CELA3A: variants seen among roughly 807,000 people sequenced by gnomAD.
The protein encoded by CELA3A is chymotrypsin like elastase 3A, also known as chymotrypsin-like elastase family member 3A.
In CELA3A, 35 loss-of-function variants were observed where a neutral mutation model predicts 38.6. The observed-to-expected ratio is 0.91, with a 90% CI of 0.69 to 1.20. The LOEUF is 1.20. Ranked by LOEUF, CELA3A falls within the 50% of genes most tolerant of loss-of-function variation. The pLI is 0.00. For synonymous variants in CELA3A, 143 were observed against 136.7 expected (o/e 1.05, Z -0.32); for missense variants, 343 against 354.2 (o/e 0.97, Z 0.25).
chr1:22,011,909 C>A lies in CELA3A; in HGVS notation c.796-541C>A, dbSNP rs1467461654. On this transcript the variant is annotated intron_variant, in intron 7 of 7. Coordinates refer to ENST00000290122, the MANE Select transcript of CELA3A (RefSeq NM_005747.5). Reference sequence around the variant, plus strand: ...CTGTACTAAAAATACAAAAATTAGCCAGGCATGGTGGCGTACGCCTGTAGT... The same window carrying A: ...CTGTACTAAAAATACAAAAATTAGCAAGGCATGGTGGCGTACGCCTGTAGT... 1.6e-5 allele frequency among the ~76,000 whole-genome samples: 2 copies of A among 126,216 alleles called. 1 individual carries two copies. The highest frequency in any genetic ancestry group is 3.3e-5 in the Non-Finnish European group (2 of 61,526). The allele number at this position is 126,216 out of a possible 152,430, so 82.8% of individuals were successfully genotyped here. A position where few individuals can be genotyped will look rare whatever the true frequency, so the allele number is the denominator to read the frequency against.
intron 2 of CELA3A, among the ~76,000 whole-genome samples, chr1:22,004,446 A>G (rs1262027457): frequency 6.6e-6 from 1 of 150,658 alleles, no homozygotes; most frequent in Admixed American, 6.6e-5. Context: ...AAGATATAGA[A>G]CATTCCCATG....
At chr1:22,006,202 G>T in intron 4 of CELA3A, 1 of 217,616 alleles carries the variant, frequency 4.6e-6, no homozygotes, top group Non-Finnish European at 9.2e-6. Context: ...GCACTGGGCT[G>T]AGAGTCAGGC....
At chr1:22,005,944 C>G in intron 4 of CELA3A, 148 bp downstream of exon 4, 1 of 1,466,386 alleles carries the variant, frequency 6.8e-7, no homozygotes, top group African/African-American at 1.4e-5. Context: ...GCAGCCTGTG[C>G]CCAGGTCCCA....
chr1:22,003,634 T>C (rs2152819188), intron 2 of CELA3A, among the ~76,000 whole-genome samples: 1 of 150,536 alleles, frequency 6.6e-6, no homozygotes, highest in Non-Finnish European at 1.5e-5. Flanking sequence ...TGAGACAAGA[T>C]TGCACCACTG....
Position 22,009,773 on chromosome 1 carries a change from C to T in CELA3A, c.711C>T (p.Ser237=), listed in dbSNP as rs1382217761. 6.2e-7 allele frequency: 1 copy of T among 1,612,006 alleles called. No individual in the cohort carries two copies. Among genetic ancestry groups the T allele is most frequent in the African/African-American group, 1.3e-5 (1 of 74,134 alleles). Residue 237 remains serine, a synonymous_variant, in exon 7 of 8, where the codon AGC becomes AGT. Transcript: ENST00000290122. ...DGGWQVHGVT[S]FVSAFGCNFI... is the part of the protein sequence containing the mutation. ...GCTGGCAGGTCCACGGTGTGACCAG[C>T]TTTGTTTCTGCCTTTGGCTGCAACT...
In CELA3A at chr1:22,003,418, T is replaced by A. The variant is rs1052620086; in HGVS notation, c.129+330T>A. Among the ~76,000 whole-genome samples, 9 of 151,146 alleles carry A rather than the reference T, an allele frequency of 6.0e-5. 1 individual carries two copies. Among genetic ancestry groups the A allele is most frequent in the East Asian group, 2.0e-4 (1 of 5,106 alleles). ...CATTTCTAGATTCCTAGGATGATAC[T>A]ACAGGGCTTTGAGGTCTGAAAGCAA... On this transcript the variant is annotated intron_variant, in intron 2 of 7. Coordinates refer to ENST00000290122, the MANE Select transcript of CELA3A (RefSeq NM_005747.5).
intron 4 of CELA3A, among the ~76,000 whole-genome samples, chr1:22,006,452 G>A (rs1453252587): frequency 2.0e-5 from 3 of 151,368 alleles, no homozygotes; most frequent in Admixed American, 1.3e-4. Context: ...ACTTGAACTC[G>A]GGAGGCGGAG....
In CELA3A at chr1:22,009,731, C is replaced by A. The variant is rs769084757; in HGVS notation, c.669C>A (p.Cys223Ter). 3 of 1,612,210 alleles carry A rather than the reference C, an allele frequency of 1.9e-6. No homozygotes were observed. In the Admixed American group the frequency reaches 5.0e-5, roughly 27 times the overall value. Reference sequence around the variant, plus strand: ...GTGACTCTGGAGGACCCCTCAACTGCCCCACAGAGGATGGTGGCTGGCAGG... The same window carrying A: ...GTGACTCTGGAGGACCCCTCAACTGACCCACAGAGGATGGTGGCTGGCAGG... ...CNGDSGGPLN[C>*]PTEDGGWQVH... Residue 223 changes from cysteine (C) to a stop codon, truncating the protein, a stop_gained, in exon 7 of 8, where the codon TGC (cysteine) becomes TGA (stop). Coordinates refer to ENST00000290122, the MANE Select transcript of CELA3A (RefSeq NM_005747.5). LOFTEE classifies it high-confidence loss of function.
intron 3 of CELA3A, 56 bp from the exon 4 acceptor site, chr1:22,005,606 G>A (rs114370704): frequency 2.4e-5 from 38 of 1,611,748 alleles, no homozygotes; most frequent in Non-Finnish European, 3.1e-5. Context: ...GGGTGATGAT[G>A]GGGAAGGAGG....
In CELA3A at chr1:22,011,759, T is replaced by TA. The variant is rs761137136; in HGVS notation, c.796-678dup. ...TCGGTGACAGAGCAAGACTCTGTCT[T>TA]AAAAAAAAAAAAAGGCCGGGCGTGG... On this transcript the variant is annotated intron_variant, in intron 7 of 7. Transcript: ENST00000290122. 6.6e-3 allele frequency among the ~76,000 whole-genome samples: 707 copies of TA among 106,658 alleles called. 104 individuals carry two copies. Among genetic ancestry groups the TA allele is most frequent in the Non-Finnish European group, 7.4e-3 (397 of 53,766 alleles). The allele number at this position is 106,658 out of a possible 152,430, so 70.0% of individuals were successfully genotyped here.
At chr1:22,002,848 T>C (rs1006635291) in intron 1 of CELA3A, among the ~76,000 whole-genome samples, 155 bp from the exon 2 acceptor site, 7 of 151,130 alleles carry the variant, frequency 4.6e-5, no homozygotes, top group African/African-American at 1.7e-4. Flanking sequence ...GTTTAAATGT[T>C]CACTGTTCAT....
At chr1:22,012,325 G>A (rs1370881955) in intron 7 of CELA3A, 125 bp from the exon 8 acceptor site, 1 of 1,312,140 alleles carries the variant, frequency 7.6e-7, no homozygotes, top group Non-Finnish European at 1.0e-6. Context: ...GGAAACTGAG[G>A]CTCAGAGAGG....
At chr1:22,003,589 G>A (rs1052649517) in intron 2 of CELA3A, among the ~76,000 whole-genome samples, 2 of 150,756 alleles carry the variant, frequency 1.3e-5, no homozygotes, top group African/African-American at 2.5e-5. Context: ...GCTGAGGCAG[G>A]AGAATCCCTT....
chr1:22,001,679 T>C lies in CELA3A; in HGVS notation c.5T>C (p.Met2Thr). The C allele has an allele frequency of 1.2e-6, 2 of 1,612,172 alleles. No homozygotes were observed. The highest frequency in any genetic ancestry group is 1.7e-5 in the Admixed American group (1 of 59,896). M[M>T]LRLLSSLLLV... ...TTTCCTATCATCACAAAACTCATGA[T>C]GCTCCGGCTGCTCAGTTCCCTCCTC... Residue 2 changes from methionine to threonine, a missense_variant, in exon 1 of 8, where the codon ATG (methionine) becomes ACG (threonine). By Grantham distance (81) the Met-to-Thr change is moderately conservative (BLOSUM62 -1). Coordinates refer to ENST00000290122, the MANE Select transcript of CELA3A (RefSeq NM_005747.5).
chr1:22,002,917 GA>G, intron 1 of CELA3A, 85 bp from the exon 2 acceptor site: 9 of 1,251,278 alleles, frequency 7.2e-6, no homozygotes, highest in Non-Finnish European at 9.1e-6. Flanking sequence ...ACAGCCAGTT[GA>G]AGGCATGGCT....
intron 5 of CELA3A, 88 bp from the exon 6 acceptor site, chr1:22,007,285 A>C: frequency 1.3e-6 from 2 of 1,511,914 alleles, no homozygotes; most frequent in Middle Eastern, 3.5e-4. Context: ...TCAGGGCAGA[A>C]GAACTGTGGG....
chr1:22,007,005 C>G lies in CELA3A; in HGVS notation c.490C>G (p.Arg164Gly). 1 of 1,612,456 alleles carries G rather than the reference C, an allele frequency of 6.2e-7. No homozygotes were observed. The highest frequency in any genetic ancestry group is 1.1e-5 in the South Asian group (1 of 91,010). ...ACCCTGCTACATCACCGGCTGGGGCCGTCTCTATAGTACGTGCTGACTTCT... is the reference window on the plus strand; with the variant it reads ...ACCCTGCTACATCACCGGCTGGGGCGGTCTCTATAGTACGTGCTGACTTCT... ...KTPCYITGWGRLYTNGPLPDK... is the reference protein window; with the variant it reads ...KTPCYITGWGGLYTNGPLPDK... Residue 164 changes from arginine to glycine, a missense_variant, in exon 5 of 8, where the codon CGT becomes GGT. By Grantham distance (125) the Arg-to-Gly change is moderately radical. Transcript: ENST00000290122.
intron 2 of CELA3A, among the ~76,000 whole-genome samples, chr1:22,004,075 G>GTTTTTT (rs5772975): frequency 7.4e-6 from 1 of 135,644 alleles, no homozygotes; most frequent in Non-Finnish European, 1.5e-5. Flanking sequence ...TCTTTTCTTT[G>GTTTTTT]TTTTTTTTTT....
chr1:22,006,839 C>G lies in CELA3A; in HGVS notation c.363-39C>G, dbSNP rs372050999. On this transcript the variant is annotated intron_variant, in intron 4 of 7. Coordinates refer to ENST00000290122, the MANE Select transcript of CELA3A (RefSeq NM_005747.5). ...GGCTAGAAGGTAGGACTTGGGCCGGCTGGAGGACCAGGCCCCGTGACTGTT... is the reference window on the plus strand; with the variant it reads ...GGCTAGAAGGTAGGACTTGGGCCGGGTGGAGGACCAGGCCCCGTGACTGTT... The G allele has an allele frequency of 1.0e-4, 167 of 1,603,890 alleles. 9 individuals are homozygous for G. In the African/African-American group the frequency reaches 1.9e-3, roughly 19 times the overall value.
Sources: allele counts gnomAD v4.1 joint callset (sites outside exome capture counted in the v4.1 genomes callset), GRCh38; gene constraint gnomAD v4.1.1; transcripts MANE v1.5; gene names NCBI Gene and HGNC (gene_info 2026-07-23, HGNC 2026-07-21).